HS6ST2: variants seen among roughly 807,000 people sequenced by gnomAD.
The protein encoded by HS6ST2 is heparan sulfate 6-O-sulfotransferase 2.
In HS6ST2, 17 loss-of-function variants were observed where a neutral mutation model predicts 33.0. That is an observed-to-expected ratio of 0.52 (90% CI 0.35 to 0.77). The LOEUF (loss-of-function observed/expected upper bound fraction) is 0.77. Ranked by LOEUF, HS6ST2 falls within the 30% of genes least tolerant of loss-of-function variation. The pLI, the probability that HS6ST2 is intolerant of heterozygous loss-of-function variation, is 0.01. For missense variants in HS6ST2, 519 were observed against 551.7 expected, an observed-to-expected ratio of 0.94 and a Z score of 0.59; for synonymous variants, 248 against 237.1, an observed-to-expected ratio of 1.05 and a Z score of -0.42.
At chrX:132,800,843 T>C (rs1265480441) in intron 2 of HS6ST2, among the ~76,000 whole-genome samples, 1 of 111,627 alleles carries the variant, frequency 9.0e-6, no homozygotes, top group Non-Finnish European at 1.9e-5. Context: ...GTTTCTCCCA[T>C]GCTGTTCTTG....
intron 3 of HS6ST2, among the ~76,000 whole-genome samples, chrX:132,681,260 T>A (rs1257708138): frequency 2.7e-5 from 3 of 112,170 alleles, no homozygotes; most frequent in African/African-American, 9.7e-5. Context: ...TCTGGCCTTA[T>A]TTATTGCAAC....
chrX:132,670,031 A>G, intron 3 of HS6ST2: 1 of 111,859 alleles, frequency 8.9e-6, no homozygotes, highest in Non-Finnish European at 1.9e-5. Flanking sequence ...TTCCATGGAA[A>G]CCAATTCAAA....
At chrX:132,706,727 A>G (rs1203188383) in intron 3 of HS6ST2, among the ~76,000 whole-genome samples, 2 of 112,462 alleles carry the variant, frequency 1.8e-5, no homozygotes, top group African/African-American at 6.5e-5. Flanking sequence ...TGAGGCAGCG[A>G]TAATCATAAT....
chrX:132,652,500 A>T (rs1370462692), intron 4 of HS6ST2, among the ~76,000 whole-genome samples: 2 of 111,760 alleles, frequency 1.8e-5, no homozygotes, highest in African/African-American at 6.5e-5. Context: ...CGGGGGAGAG[A>T]GCCCTATAAA....
At chrX:132,901,947 G>A (rs2066429511) in intron 2 of HS6ST2, among the ~76,000 whole-genome samples, 1 of 110,830 alleles carries the variant, frequency 9.0e-6, no homozygotes, top group South Asian at 3.9e-4. Flanking sequence ...GTGGTACAAA[G>A]GGGTATGGAC....
chrX:132,811,333 G>GT (rs1284349971), intron 2 of HS6ST2, among the ~76,000 whole-genome samples: 2 of 109,014 alleles, frequency 1.8e-5, no homozygotes, highest in East Asian at 2.9e-4. Flanking sequence ...GCTCTAGAAA[G>GT]TTTTTTTTTA....
At chrX:132,925,236 T>A (rs2066698138) in intron 2 of HS6ST2, among the ~76,000 whole-genome samples, 1 of 111,912 alleles carries the variant, frequency 8.9e-6, no homozygotes, top group Admixed American at 9.5e-5. Context: ...TCTGCATCCC[T>A]CCCCACATAC....
At chrX:132,785,490 T>C (rs2065053065) in intron 2 of HS6ST2, among the ~76,000 whole-genome samples, 2 of 112,385 alleles carry the variant, frequency 1.8e-5, no homozygotes, top group Non-Finnish European at 3.8e-5. Context: ...CTAGCATTGC[T>C]GGTCATACTT....
chrX:132,935,896 T>A (rs935640028), intron 2 of HS6ST2, among the ~76,000 whole-genome samples: 2 of 109,614 alleles, frequency 1.8e-5, no homozygotes, highest in African/African-American at 6.6e-5. Flanking sequence ...ACAACTATAA[T>A]TTGAAAATTT....
chrX:132,733,675 T>C (rs1026652942), intron 2 of HS6ST2, among the ~76,000 whole-genome samples: 26 of 111,367 alleles, frequency 2.3e-4, no homozygotes, highest in African/African-American at 7.8e-4. Context: ...AGTCTAAATG[T>C]TCCATATTAG....
chrX:132,688,844 A>G (rs893526849), intron 3 of HS6ST2, among the ~76,000 whole-genome samples: 1 of 112,391 alleles, frequency 8.9e-6, no homozygotes, highest in African/African-American at 3.2e-5. Context: ...AATAAATTTC[A>G]GCAAGTCACA....
At position 132,753,828 on chromosome X, in the gene HS6ST2, CCAT is replaced by C. The variant is rs1448269988; in HGVS notation, c.948-45337_948-45335del. On this transcript the variant is annotated intron_variant, in intron 2 of 4. Transcript: ENST00000370833. ...TTTAAGGGGGCACCAAAACATTCAG[CCAT>C]CAAGATACTTTTTCAAAGAATGTTT... Among the ~76,000 whole-genome samples, 5 of 111,695 alleles carry C rather than the reference CCAT, an allele frequency of 4.5e-5. No individual in the cohort carries two copies. The East Asian group carries it at 1.4e-3, about 31-fold the overall frequency.
chrX:132,676,895 C>T (rs185658756), intron 3 of HS6ST2, among the ~76,000 whole-genome samples: 27 of 112,218 alleles, frequency 2.4e-4, no homozygotes, highest in African/African-American at 7.8e-4. Context: ...TAAAGTGCCC[C>T]GCTGTAGGGC....
chrX:132,854,054 G>C (rs944440785), intron 2 of HS6ST2, among the ~76,000 whole-genome samples: 1 of 110,574 alleles, frequency 9.0e-6, no homozygotes, highest in African/African-American at 3.3e-5. Context: ...AATAAATAAA[G>C]CACAAATACC....
intron 2 of HS6ST2, among the ~76,000 whole-genome samples, chrX:132,946,070 A>T (rs1297131872): frequency 8.9e-6 from 1 of 112,139 alleles, no homozygotes; most frequent in Admixed American, 9.4e-5. Context: ...AACCACAATG[A>T]GATACCATCT....
At chrX:132,655,140 A>G (rs1227190048) in intron 4 of HS6ST2, among the ~76,000 whole-genome samples, 1 of 111,790 alleles carries the variant, frequency 8.9e-6, no homozygotes, top group Admixed American at 9.5e-5. Flanking sequence ...CTCTATGCCC[A>G]CCCTGCCCCA....
At chrX:132,906,933 G>A (rs1019221207) in intron 2 of HS6ST2, among the ~76,000 whole-genome samples, 2 of 111,655 alleles carry the variant, frequency 1.8e-5, no homozygotes, top group African/African-American at 6.5e-5. Context: ...CCAAAGTGCT[G>A]GGATTACAGG....
At chrX:132,826,772 A>G (rs188627486) in intron 2 of HS6ST2, among the ~76,000 whole-genome samples, 181 of 110,206 alleles carry the variant, frequency 1.6e-3, no homozygotes, top group African/African-American at 5.5e-3. Flanking sequence ...ACCTATAACA[A>G]CCTAGTGGCA....
At chrX:132,804,831 A>C (rs1327359367) in intron 2 of HS6ST2, among the ~76,000 whole-genome samples, 1 of 111,210 alleles carries the variant, frequency 9.0e-6, no homozygotes, top group African/African-American at 3.3e-5. Context: ...AAAAAGACAC[A>C]GGGCATTGGC....
Sources: allele counts gnomAD v4.1 joint callset (sites outside exome capture counted in the v4.1 genomes callset), GRCh38; gene constraint gnomAD v4.1.1; transcripts MANE v1.5; gene names NCBI Gene and HGNC (gene_info 2026-07-23, HGNC 2026-07-21).